Variants in PIK3R3 observed in about 807,000 individuals in gnomAD.
PIK3R3 encodes phosphoinositide-3-kinase regulatory subunit 3, also known as phosphatidylinositol 3-kinase regulatory subunit gamma.
Under a neutral mutation model 62.9 loss-of-function variants are expected in PIK3R3, and 64 were observed. The ratio of observed to expected loss-of-function variants is 1.02; its 90% CI spans 0.83 to 1.25. The LOEUF is 1.25. Among genes scored for constraint, PIK3R3 ranks in the 50% most tolerant of loss-of-function variants. The probability of loss-of-function intolerance (pLI) is 0.00; values close to 1 mark genes in which losing one functional copy is unlikely to be tolerated. For synonymous variants in PIK3R3, 165 were observed against 189.0 expected (o/e 0.87, Z 1.04); for missense variants, 614 against 561.6 (o/e 1.09, Z -0.94).
At chr1:46,105,276 G>T in intron 1 of PIK3R3, 1 of 284,724 alleles carries the variant, frequency 3.5e-6, no homozygotes, top group Non-Finnish European at 6.6e-6. Context: ...GGCCGAGGAG[G>T]GCAGATCACG....
At chr1:46,115,855 G>A (rs1273669677) in intron 1 of PIK3R3, among the ~76,000 whole-genome samples, 2 of 152,086 alleles carry the variant, frequency 1.3e-5, no homozygotes, top group Non-Finnish European at 2.9e-5. Flanking sequence ...GGCCCTTATT[G>A]TACAGATCAG....
intron 3 of PIK3R3, 21 bp downstream of exon 3, chr1:46,077,494 A>G (rs757968919): frequency 4.3e-6 from 6 of 1,380,792 alleles, no homozygotes; most frequent in Admixed American, 1.7e-5. Flanking sequence ...AGAACTAGCC[A>G]AAAGACTGAA....
intron 1 of PIK3R3, among the ~76,000 whole-genome samples, chr1:46,127,306 T>C (rs1324460795): frequency 1.3e-5 from 2 of 148,212 alleles, no homozygotes; most frequent in Non-Finnish European, 1.5e-5. Flanking sequence ...CATGCCACTG[T>C]ACTCTAGCCT....
chr1:46,063,381 T>C (rs951351346), intron 5 of PIK3R3, among the ~76,000 whole-genome samples: 2 of 152,222 alleles, frequency 1.3e-5, no homozygotes, highest in Non-Finnish European at 2.9e-5. Context: ...TTACATCATA[T>C]GTATCTTAAT....
At chr1:46,100,924 A>C (rs1652601594) in intron 1 of PIK3R3, among the ~76,000 whole-genome samples, 1 of 152,158 alleles carries the variant, frequency 6.6e-6, no homozygotes, top group Non-Finnish European at 1.5e-5. Flanking sequence ...ACTGTGGCTC[A>C]TGCATGTAAT....
the PIK3R3 span, among the ~76,000 whole-genome samples, chr1:46,146,306 G>T: frequency 1.3e-5 from 2 of 152,096 alleles, no homozygotes; most frequent in African/African-American, 4.8e-5. Flanking sequence ...TTTTTCATGG[G>T]CTGTGCTATC....
chr1:46,174,314 C>T, the PIK3R3 span, among the ~76,000 whole-genome samples: 2 of 152,088 alleles, frequency 1.3e-5, no homozygotes, highest in Non-Finnish European at 2.9e-5. Context: ...TGATGTTCAG[C>T]AACCCCCATC....
chr1:46,048,843 G>C (rs1205793144), intron 7 of PIK3R3, among the ~76,000 whole-genome samples: 1 of 152,102 alleles, frequency 6.6e-6, no homozygotes. Flanking sequence ...GACTTATCTA[G>C]TTCTGAGTCC....
intron 1 of PIK3R3, among the ~76,000 whole-genome samples, chr1:46,116,177 C>T (rs2149461486): frequency 6.6e-6 from 1 of 152,110 alleles, no homozygotes; most frequent in African/African-American, 2.4e-5. Flanking sequence ...GAATGGGACG[C>T]TATGGAGATG....
chr1:46,151,591 A>G, the PIK3R3 span, among the ~76,000 whole-genome samples: 4 of 152,180 alleles, frequency 2.6e-5, no homozygotes, highest in Non-Finnish European at 5.9e-5. Flanking sequence ...AATAATAATA[A>G]TAAAGACAGA....
In PIK3R3 at chr1:46,043,644, A is replaced by G; in HGVS notation, c.*29T>C. The stretch of plus-strand genomic sequence containing the variant: ...AATAAAAACTGTAGAAAAAAATGCC[A>G]GAGAACCACCTCTCTTCCCACTTCC... On this transcript the variant is annotated 3_prime_UTR_variant, in exon 10 of 10. Coordinates refer to ENST00000262741, the MANE Select transcript of PIK3R3 (RefSeq NM_003629.4). 1 of 1,599,272 alleles carries G rather than the reference A, an allele frequency of 6.3e-7. No homozygotes were observed. Among genetic ancestry groups the G allele is most frequent in the Non-Finnish European group, 8.6e-7 (1 of 1,166,774 alleles).
chr1:46,087,492 G>C (rs1480139282), intron 1 of PIK3R3, among the ~76,000 whole-genome samples: 4 of 151,320 alleles, frequency 2.6e-5, no homozygotes, highest in African/African-American at 9.7e-5. Flanking sequence ...TATACCCCCA[G>C]TCAGGAGTTG....
At chr1:46,129,856 T>C (rs1323664205) in intron 1 of PIK3R3, among the ~76,000 whole-genome samples, 1 of 152,182 alleles carries the variant, frequency 6.6e-6, no homozygotes, top group African/African-American at 2.4e-5. Context: ...AAAGGGGTAA[T>C]AAAGAACAGC....
chr1:46,152,265 C>T, the PIK3R3 span, among the ~76,000 whole-genome samples: 3 of 152,162 alleles, frequency 2.0e-5, no homozygotes, highest in African/African-American at 2.4e-5. Context: ...AGAGGTTCTG[C>T]CATCACTTCT....
At chr1:46,152,826 T>C in the PIK3R3 span, among the ~76,000 whole-genome samples, 1 of 152,182 alleles carries the variant, frequency 6.6e-6, no homozygotes, top group African/African-American at 2.4e-5. Flanking sequence ...GCCTCCCCAG[T>C]GCTGGGATTA....
chr1:46,046,695 C>T, intron 7 of PIK3R3, 70 bp from the exon 8 acceptor site: 1 of 1,063,116 alleles, frequency 9.4e-7, no homozygotes, highest in East Asian at 2.4e-5. Context: ...TATGTCTGAG[C>T]CAACTAAACT....
chr1:46,118,230 GT>G (rs1350706566), intron 1 of PIK3R3, among the ~76,000 whole-genome samples: 18 of 152,318 alleles, frequency 1.2e-4, no homozygotes, highest in African/African-American at 4.3e-4. Context: ...GAGTAAGTCA[GT>G]TTGGAAATGA....
In PIK3R3 at chr1:46,043,862, C is replaced by T. The variant is rs752535446; in HGVS notation, c.1197G>A (p.Gly399=). Residue 399 remains glycine, a synonymous_variant, in exon 10 of 10, where the codon GGG becomes GGA. Transcript: ENST00000262741. ...GCYACSVVAD[G]EVKHCVIYST... is the part of the protein sequence containing the mutation. ...TGTAGATCACACAGTGCTTCACTTCCCCATCGGCCCTGCAATGACAAACCA... is the reference window on the plus strand; with the variant it reads ...TGTAGATCACACAGTGCTTCACTTCTCCATCGGCCCTGCAATGACAAACCA... The T allele has an allele frequency of 2.5e-6, 4 of 1,613,108 alleles. No homozygotes were observed. The East Asian group carries it at 8.9e-5, about 36-fold the overall frequency.
chr1:46,161,384 C>T, the PIK3R3 span, among the ~76,000 whole-genome samples: 1 of 152,052 alleles, frequency 6.6e-6, no homozygotes, highest in Non-Finnish European at 1.5e-5. Flanking sequence ...AGGCATGAGC[C>T]ACTGCACCCA....
Sources: allele counts gnomAD v4.1 joint callset (sites outside exome capture counted in the v4.1 genomes callset), GRCh38; gene constraint gnomAD v4.1.1; transcripts MANE v1.5; gene names NCBI Gene and HGNC (gene_info 2026-07-23, HGNC 2026-07-21).